SERPINF2: variants seen among roughly 807,000 people sequenced by gnomAD.
SERPINF2 encodes the protein alpha-2-antiplasmin.
SERPINF2 carries 15 observed loss-of-function variants against 45.0 expected under a neutral mutation model. The observed-to-expected ratio is 0.33, with a 90% CI of 0.22 to 0.51. The LOEUF (loss-of-function observed/expected upper bound fraction) is 0.51, where lower values mean the gene tolerates loss of function less well. Among genes scored for constraint, SERPINF2 ranks in the 20% least tolerant of loss-of-function variants. SERPINF2 has a pLI of 0.97. For synonymous variants in SERPINF2, 283 were observed against 277.9 expected (o/e 1.02, Z -0.18); for missense variants, 518 against 637.4 (o/e 0.81, Z 2.02).
intron 8 of SERPINF2, among the ~76,000 whole-genome samples, chr17:1,749,670 G>A (rs926508176): frequency 5.9e-5 from 9 of 152,204 alleles, no homozygotes; most frequent in South Asian, 2.1e-4. Context: ...TAAGTGCTGG[G>A]ATTACGGGCA....
At position 1,752,681 on chromosome 17, in the gene SERPINF2, T is replaced by C; in HGVS notation, c.954T>C (p.Ser318=). The C allele has an allele frequency of 1.2e-6, 2 of 1,614,064 alleles. No homozygotes were observed. The highest frequency in any genetic ancestry group is 1.1e-5 in the South Asian group (1 of 91,090). Residue 318 remains serine, a synonymous_variant, in exon 9 of 10, where the codon AGT becomes AGC. Coordinates refer to ENST00000453066, the MANE Select transcript of SERPINF2 (RefSeq NM_000934.4). ...WNVSQVLANL[S]WDTLHPPLVW... ...TGTCCCAGGTACTGGCCAACCTGAG[T>C]TGGGACACCCTGCACCCACCTCTGG...
chr17:1,752,451 G>A (rs1906481927), intron 8 of SERPINF2, 135 bp from the exon 9 acceptor site: 2 of 765,986 alleles, frequency 2.6e-6, no homozygotes, highest in Non-Finnish European at 4.7e-6. Flanking sequence ...GGAAGTGGAG[G>A]AGCAGTGGGG....
intron 7 of SERPINF2, among the ~76,000 whole-genome samples, 196 bp from the exon 8 acceptor site, chr17:1,748,402 T>C (rs1906059073): frequency 6.6e-6 from 1 of 152,070 alleles, no homozygotes; most frequent in Non-Finnish European, 1.5e-5. Context: ...GAAAGAGACC[T>C]TAGATCAATT....
rs1173934672 is a variant in SERPINF2 at position 1,752,587 on chromosome 17, T to C, written c.860T>C (p.Val287Ala). 7 of 1,613,948 alleles carry C rather than the reference T, an allele frequency of 4.3e-6. No individual in the cohort carries two copies. The highest frequency in any genetic ancestry group is 5.1e-6 in the Non-Finnish European group (6 of 1,179,934). Residue 287 changes from valine (V) to alanine (A), a missense_variant and splice_region_variant, in exon 9 of 10, where the codon GTG (valine) becomes GCG (alanine). Transcript: ENST00000453066. ...WFLLEQPEIQ[V>A]AHFPFKNNMS... ...GCTCTTCCCTTCCCTTTTCTGTAGG[T>C]GGCTCATTTCCCCTTTAAGAACAAC...
chr17:1,745,240 G>A lies in SERPINF2; in HGVS notation c.102+27G>A. 1 of 1,582,436 alleles carries A rather than the reference G, an allele frequency of 6.3e-7. No homozygotes were observed. Among genetic ancestry groups the A allele is most frequent in the East Asian group, 2.3e-5 (1 of 42,910 alleles). ...TACTGGGGAGTGAGGAGCCTGTGAT[G>A]GGGGGAAGGTCCCGGGGGTCTCACT... On this transcript the variant is annotated intron_variant, in intron 3 of 9. Coordinates refer to ENST00000453066, the MANE Select transcript of SERPINF2 (RefSeq NM_000934.4). The surrounding 1 kb of genome is among the most constrained non-coding windows in gnomAD (Gnocchi z 6.2).
At chr17:1,743,809 G>A (rs1270289238) in intron 1 of SERPINF2, among the ~76,000 whole-genome samples, 1 of 151,934 alleles carries the variant, frequency 6.6e-6, no homozygotes, top group East Asian at 1.9e-4. Flanking sequence ...AGGCTTCAGG[G>A]CAGGCTTCCC....
intron 5 of SERPINF2, 120 bp downstream of exon 5, chr17:1,746,029 C>G: frequency 2.6e-6 from 3 of 1,142,404 alleles, no homozygotes; most frequent in Non-Finnish European, 4.0e-6. Flanking sequence ...GGTAAAAATG[C>G]AGATTCCTAG....
At position 1,743,694 on chromosome 17, in the gene SERPINF2, G is replaced by A. The variant is rs539126833; in HGVS notation, c.-5+786G>A. Among the ~76,000 whole-genome samples the A allele has an allele frequency of 4.7e-5, 5 of 106,834 alleles. No individual in the cohort carries two copies. The South Asian group carries it at 1.1e-3, about 22-fold the overall frequency. The allele number at this position is 106,834 out of a possible 152,430, so 70.1% of individuals were successfully genotyped here. A position where few individuals can be genotyped will look rare whatever the true frequency, so the allele number is the denominator to read the frequency against. On this transcript the variant is annotated intron_variant, in intron 1 of 9. Transcript: ENST00000453066. ...CGTGCCATTGCACTCCAGCCTGCATGATAAGAATGAAACTCCATCTCAAAA... is the reference window on the plus strand; with the variant it reads ...CGTGCCATTGCACTCCAGCCTGCATAATAAGAATGAAACTCCATCTCAAAA...
Position 1,745,309 on chromosome 17 carries a change from C to G in SERPINF2, c.103-24C>G. On this transcript the variant is annotated intron_variant, in intron 3 of 9. Transcript: ENST00000453066. The surrounding 1 kb of genome is among the most constrained non-coding windows in gnomAD (Gnocchi z 6.2). ...GGGGGCCTGTGGGAAGGGTCGGTCT[C>G]CATCTGCTTGCTCCTTTCCGCAGCT... The G allele has an allele frequency of 6.2e-7, 1 of 1,613,060 alleles. No individual in the cohort carries two copies. Among genetic ancestry groups the G allele is most frequent in the Non-Finnish European group, 8.5e-7 (1 of 1,179,916 alleles).
At chr17:1,743,427 G>A (rs564510434) in intron 1 of SERPINF2, among the ~76,000 whole-genome samples, 4 of 152,274 alleles carry the variant, frequency 2.6e-5, no homozygotes, top group Admixed American at 1.3e-4. Context: ...TGAGAAAGAC[G>A]GGTTGGGGCC....
chr17:1,750,148 C>CGTTT (rs958140668), intron 8 of SERPINF2, among the ~76,000 whole-genome samples: 32 of 151,284 alleles, frequency 2.1e-4, no homozygotes, highest in Admixed American at 9.9e-4. Flanking sequence ...TAATTTTGTT[C>CGTTT]GTTTGTTTGT....
chr17:1,754,685 T>G lies in SERPINF2; in HGVS notation c.*151T>G, dbSNP rs1389041468. The G allele has an allele frequency of 0.026, 4,655 of 178,862 alleles. No homozygotes were observed. The highest frequency in any genetic ancestry group is 0.056 in the South Asian group (870 of 15,416). The allele number at this position is 178,862 out of a possible 1,614,324, so 11.1% of individuals were successfully genotyped here. The stretch of plus-strand genomic sequence containing the variant: ...CCAACACCTCTTGGGGAGTTTAGGG[T>G]GGGGGGGGGGCGCGGCTGGGAGGAG... On this transcript the variant is annotated 3_prime_UTR_variant, in exon 10 of 10. Coordinates refer to ENST00000453066, the MANE Select transcript of SERPINF2 (RefSeq NM_000934.4).
rs748695129 is a variant in SERPINF2 at position 1,752,726 on chromosome 17, G to T, written c.999G>T (p.Lys333Asn). ...HPPLVWERPT[K>N]VRLPKLYLKH... is the part of the protein sequence containing the mutation. ...CTCTGGTGTGGGAGAGGCCCACCAAGGTCCGGCTGCCTAAGCTGTATCTGA... is the reference window on the plus strand; with the variant it reads ...CTCTGGTGTGGGAGAGGCCCACCAATGTCCGGCTGCCTAAGCTGTATCTGA... The change falls in exon 9 of 10, where the codon AAG becomes AAT. Residue 333 changes from lysine (K) to asparagine (N), a missense_variant. This residue lies in a region of SERPINF2 where 435 missense variants were observed against 577.3 expected (regional missense o/e 0.75). Coordinates refer to ENST00000453066, the MANE Select transcript of SERPINF2 (RefSeq NM_000934.4). The T allele has an allele frequency of 1.2e-6, 2 of 1,614,008 alleles. No homozygotes were observed. The highest frequency in any genetic ancestry group is 2.7e-5 in the African/African-American group (2 of 74,934).
rs1220203758 is a variant in SERPINF2, at chr17:1,751,898, C to A, written c.859-688C>A. Among the ~76,000 whole-genome samples, 5 of 139,256 alleles carry A rather than the reference C, an allele frequency of 3.6e-5. 1 individual carries two copies. The highest frequency in any genetic ancestry group is 8.1e-5 in the Non-Finnish European group (5 of 61,492). The allele number at this position is 139,256 out of a possible 152,430, so 91.4% of individuals were successfully genotyped here. A position where few individuals can be genotyped will look rare whatever the true frequency, so the allele number is the denominator to read the frequency against. The stretch of plus-strand genomic sequence containing the variant: ...ACAGAACCCAGCTGTGGTATGACAG[C>A]CAGTGACCCTGTCTGTGGTACATCT... On this transcript the variant is annotated intron_variant, in intron 8 of 9. Coordinates refer to ENST00000453066, the MANE Select transcript of SERPINF2 (RefSeq NM_000934.4).
intron 5 of SERPINF2, among the ~76,000 whole-genome samples, chr17:1,746,550 C>T (rs1567738818): frequency 6.6e-6 from 1 of 151,690 alleles, no homozygotes; most frequent in Non-Finnish European, 1.5e-5. Context: ...CCTCAGCCTC[C>T]CAAATAGCTG....
In SERPINF2 at chr17:1,745,338, T is replaced by C. The variant is rs542258934; in HGVS notation, c.108T>C (p.Thr36=). ...CTGCTTGCTCCTTTCCGCAGCTAAC[T>C]AGCGGGCCGAACCAGGAGCAGGTGT... ...SAMEPLGRQL[T]SGPNQEQVSP... The change falls in exon 4 of 10, where the codon ACT becomes ACC. Residue 36 remains threonine, a synonymous_variant. Transcript: ENST00000453066. The surrounding 1 kb of genome is among the most constrained non-coding windows in gnomAD (Gnocchi z 6.2). 1.9e-6 allele frequency: 3 copies of C among 1,612,942 alleles called. No homozygotes were observed. The highest frequency in any genetic ancestry group is 1.7e-5 in the Admixed American group (1 of 59,940).
intron 6 of SERPINF2, 60 bp from the exon 7 acceptor site, chr17:1,747,248 AG>A: frequency 6.2e-7 from 1 of 1,610,630 alleles, no homozygotes; most frequent in Non-Finnish European, 8.5e-7. Context: ...GGTAGCGAGT[AG>A]GGGCGTGTCT....
intron 1 of SERPINF2, 72 bp from the exon 2 acceptor site, chr17:1,744,920 A>T: frequency 6.2e-7 from 1 of 1,610,208 alleles, no homozygotes; most frequent in Non-Finnish European, 8.5e-7. Flanking sequence ...GTTATCTGTG[A>T]TCGCGTGGGT....
chr17:1,745,232 C>G lies in SERPINF2; in HGVS notation c.102+19C>G, dbSNP rs768970078. On this transcript the variant is annotated intron_variant, in intron 3 of 9. Transcript: ENST00000453066. The surrounding 1 kb of genome is among the most constrained non-coding windows in gnomAD (Gnocchi z 6.2). ...CCGGCAGGTACTGGGGAGTGAGGAG[C>G]CTGTGATGGGGGGAAGGTCCCGGGG... The G allele has an allele frequency of 1.3e-6, 2 of 1,575,564 alleles. No homozygotes were observed. The highest frequency in any genetic ancestry group is 1.4e-5 in the African/African-American group (1 of 73,212).
Sources: allele counts gnomAD v4.1 joint callset (sites outside exome capture counted in the v4.1 genomes callset), GRCh38; gene constraint gnomAD v4.1.1; regional missense constraint gnomAD v4.1.1; non-coding constraint Gnocchi (gnomAD v3.1); transcripts MANE v1.5; gene names NCBI Gene and HGNC (gene_info 2026-07-23, HGNC 2026-07-21).